The following ANK2 variants were observed in gnomAD, a reference collection of about 807,000 sequenced individuals.
The protein encoded by ANK2 is ankyrin-2.
ANK2 carries 83 observed loss-of-function variants against 360.5 expected under a neutral mutation model. That is an observed-to-expected ratio of 0.23 (90% CI 0.19 to 0.28). ANK2 has a LOEUF of 0.28. Among genes scored for constraint, ANK2 ranks in the 10% least tolerant of loss-of-function variants. The probability of loss-of-function intolerance (pLI) is 1.00; values close to 1 mark genes in which losing one functional copy is unlikely to be tolerated. For synonymous variants in ANK2, 1,740 were observed against 1,759.5 expected, an observed-to-expected ratio of 0.99 and a Z score of 0.28; for missense variants, 4,201 against 4,795.7, an observed-to-expected ratio of 0.88 and a Z score of 3.66.
At chr4:113,090,001 C>G (rs2086992084) in intron 1 of ANK2, among the ~76,000 whole-genome samples, 2 of 152,060 alleles carry the variant, frequency 1.3e-5, no homozygotes, top group African/African-American at 4.8e-5. Context: ...TGTGTAAAAT[C>G]AAACAGTGAG....
At chr4:113,094,319 A>G (rs2089984174) in intron 1 of ANK2, among the ~76,000 whole-genome samples, 1 of 152,228 alleles carries the variant, frequency 6.6e-6, no homozygotes, top group South Asian at 2.1e-4. Context: ...TCATAAATAA[A>G]TAAAGACATT....
At chr4:113,127,857 T>C (rs184383581) in intron 1 of ANK2, among the ~76,000 whole-genome samples, 3 of 151,858 alleles carry the variant, frequency 2.0e-5, no homozygotes, top group Non-Finnish European at 4.4e-5. Flanking sequence ...AGGGCTTGGA[T>C]TGGAATGGTC....
At chr4:113,223,553 TC>T (rs2099175839) in intron 4 of ANK2, among the ~76,000 whole-genome samples, 1 of 152,124 alleles carries the variant, frequency 6.6e-6, no homozygotes, top group African/African-American at 2.4e-5. Context: ...TTTTAGAGGT[TC>T]CAGGTAAGAT....
intron 2 of ANK2, among the ~76,000 whole-genome samples, chr4:112,973,081 G>A (rs2040145707): frequency 6.6e-6 from 1 of 151,802 alleles, no homozygotes; most frequent in African/African-American, 2.4e-5. Context: ...TACACTGCTT[G>A]GGTGATAGGT....
At chr4:113,370,941 C>T (rs1022556014) in intron 43 of ANK2, among the ~76,000 whole-genome samples, 3 of 151,340 alleles carry the variant, frequency 2.0e-5, no homozygotes, top group Non-Finnish European at 1.5e-5. Flanking sequence ...GGATTCTCAG[C>T]CACAAAAAAA....
chr4:113,037,860 A>G (rs990949903), intron 2 of ANK2, among the ~76,000 whole-genome samples: 7 of 152,046 alleles, frequency 4.6e-5, no homozygotes, highest in Non-Finnish European at 1.0e-4. Context: ...GATATCCAAT[A>G]TTTATGTAAA....
chr4:112,875,473 A>G (rs1270449415), intron 1 of ANK2, among the ~76,000 whole-genome samples: 2 of 136,400 alleles, frequency 1.5e-5, no homozygotes, highest in African/African-American at 2.7e-5. Flanking sequence ...CCACCATGAC[A>G]GGCTAATTAC....
rs189939548 is a variant in ANK2 at position 113,254,596 on chromosome 4, G to T, written c.991-1139G>T. 2.2e-3 allele frequency among the ~76,000 whole-genome samples: 334 copies of T among 152,128 alleles called. 1 individual carries two copies. Among genetic ancestry groups the T allele is most frequent in the African/African-American group, 7.3e-3 (305 of 41,506 alleles). On this transcript the variant is annotated intron_variant, in intron 10 of 45. Transcript: ENST00000357077. The stretch of plus-strand genomic sequence containing the variant: ...TTGCTGTTTTCTAAACTTATTTAAT[G>T]AACTTCTAAACATGAAAGTAATAAT...
rs183939278 is a variant in ANK2, at chr4:112,827,266, A to G, written c.-40+9002A>G. 3.5e-3 allele frequency: 3,657 copies of G among 1,050,916 alleles called. 11 individuals carry two copies. The highest frequency in any genetic ancestry group is 5.4e-3 in the Admixed American group (318 of 59,326). 65.1% of individuals were successfully genotyped at this position (1,050,916 alleles called of 1,614,324 possible). ...TTTAGAAGAAAGAGAAATGTTACTT[A>G]AGGCAGCCAAGAGTCATTGTAATAA... is the stretch of plus-strand genomic sequence containing the variant. On this transcript the variant is annotated intron_variant, in intron 1 of 30. Transcript: ENST00000503271.
At chr4:113,289,909 T>C (rs943671402) in intron 20 of ANK2, among the ~76,000 whole-genome samples, 2 of 152,162 alleles carry the variant, frequency 1.3e-5, no homozygotes, top group African/African-American at 4.8e-5. Flanking sequence ...CCAGCTCCCA[T>C]ATAAGCACTC....
chr4:113,257,592 T>G (rs1315924287), intron 11 of ANK2, among the ~76,000 whole-genome samples: 1 of 152,224 alleles, frequency 6.6e-6, no homozygotes, highest in Admixed American at 6.5e-5. Flanking sequence ...AAATATTTCT[T>G]ACAAAGGCAG....
At chr4:112,993,798 C>T (rs1188838178) in intron 2 of ANK2, among the ~76,000 whole-genome samples, 2 of 152,032 alleles carry the variant, frequency 1.3e-5, no homozygotes, top group Non-Finnish European at 2.9e-5. Flanking sequence ...CCTCCGTCAC[C>T]TGGGTTCAAG....
chr4:113,061,752 A>C lies in ANK2; in HGVS notation c.84+11940A>C, dbSNP rs145141676. On this transcript the variant is annotated intron_variant, in intron 1 of 45. Transcript: ENST00000357077. ...TGCTGTTGTTTAATGCGCACAAAAA[A>C]ATAATTAAAAAGAATGAATAGGATG... Among the ~76,000 whole-genome samples, 356 of 152,276 alleles carry C rather than the reference A, an allele frequency of 2.3e-3. 2 individuals carry two copies. Among genetic ancestry groups the C allele is most frequent in the African/African-American group, 7.1e-3 (295 of 41,570 alleles).
At chr4:112,794,318 G>A in the ANK2 span, among the ~76,000 whole-genome samples, 8 of 152,316 alleles carry the variant, frequency 5.3e-5, no homozygotes, top group East Asian at 1.4e-3. Flanking sequence ...TGTCCTTAAA[G>A]TAGTATTTTG....
intron 1 of ANK2, among the ~76,000 whole-genome samples, chr4:113,073,474 T>C (rs1215761262): frequency 2.0e-5 from 3 of 152,258 alleles, no homozygotes; most frequent in Non-Finnish European, 4.4e-5. Context: ...AGATTGCCTA[T>C]GTGATTCAGG....
the ANK2 span, among the ~76,000 whole-genome samples, chr4:112,778,990 A>G: frequency 1.3e-5 from 2 of 152,160 alleles, no homozygotes; most frequent in Non-Finnish European, 2.9e-5. Context: ...TTTGTACCAA[A>G]GTTGTCAGGA....
chr4:112,801,279 A>T, the ANK2 span, among the ~76,000 whole-genome samples: 1 of 152,240 alleles, frequency 6.6e-6, no homozygotes, highest in African/African-American at 2.4e-5. Flanking sequence ...CATTTTGTTC[A>T]TTATAGCAAA....
intron 14 of ANK2, among the ~76,000 whole-genome samples, chr4:113,273,332 A>G (rs1482956377): frequency 2.0e-5 from 3 of 152,370 alleles, no homozygotes; most frequent in Non-Finnish European, 2.9e-5. Context: ...TGCATTGTAC[A>G]TGAAGAAAGG....
intron 31 of ANK2, 90 bp from the exon 32 acceptor site, chr4:113,339,136 G>A: frequency 1.5e-5 from 16 of 1,080,900 alleles, no homozygotes; most frequent in Non-Finnish European, 2.3e-5. Context: ...GGTGGGATTT[G>A]GCTTGTGAAC....
Sources: gnomAD v4.1 joint callset for allele counts (sites outside exome capture counted in the v4.1 genomes callset) on GRCh38, gnomAD v4.1.1 for gene constraint, MANE v1.5 for transcripts, NCBI Gene and HGNC (gene_info 2026-07-23, HGNC 2026-07-21) for gene names.